Variants in PTPN21 observed in about 807,000 individuals in gnomAD.
PTPN21 encodes tyrosine-protein phosphatase non-receptor type 21.
In PTPN21, 77 loss-of-function variants were observed where a neutral mutation model predicts 131.8. The observed-to-expected ratio is 0.58, with a 90% confidence interval of 0.49 to 0.71. PTPN21 has a LOEUF of 0.71. PTPN21 is among the 30% of genes least tolerant of loss of function. The pLI is 0.00. For missense variants in PTPN21, 1,552 were observed against 1,527.1 expected (o/e 1.02, Z -0.27); for synonymous variants, 715 against 621.3 (o/e 1.15, Z -2.24).
At chr14:88,553,628 C>T (rs886413295) in intron 1 of PTPN21, among the ~76,000 whole-genome samples, 1 of 151,752 alleles carries the variant, frequency 6.6e-6, no homozygotes, top group Non-Finnish European at 1.5e-5. Context: ...TTTTTCTCTA[C>T]AAAATCTTTC....
intron 13 of PTPN21, among the ~76,000 whole-genome samples, chr14:88,477,211 T>C (rs113874578): frequency 0.041 from 6,231 of 152,152 alleles, 169 homozygotes; most frequent in South Asian, 0.1. Flanking sequence ...ATGTGAGTTA[T>C]GTTGCATACT....
chr14:88,509,277 C>G (rs2078143024), intron 3 of PTPN21, among the ~76,000 whole-genome samples: 1 of 152,190 alleles, frequency 6.6e-6, no homozygotes, highest in South Asian at 2.1e-4. Context: ...ATCACAGACA[C>G]TCTGCCAGTG....
chr14:88,484,093 G>A (rs1346710503), intron 12 of PTPN21, among the ~76,000 whole-genome samples: 1 of 150,820 alleles, frequency 6.6e-6, no homozygotes, highest in Non-Finnish European at 1.5e-5. Flanking sequence ...CCAGGCTGGA[G>A]TGCAGTAGCA....
rs1298441814 is a variant in PTPN21, at chr14:88,542,602, AG to A, written c.180+7635del. On this transcript the variant is annotated intron_variant, in intron 2 of 18. Transcript: ENST00000556564. ...ATAATACTCTATTCTTCAAATAAAC[AG>A]GTTTCCAAATTCTGCAATAACTTGT... Among the ~76,000 whole-genome samples the A allele has an allele frequency of 7.2e-5, 11 of 152,278 alleles. No individual in the cohort carries two copies. In the East Asian group the frequency reaches 2.1e-3, roughly 29 times the overall value.
intron 2 of PTPN21, among the ~76,000 whole-genome samples, chr14:88,549,761 G>A (rs1244244986): frequency 6.7e-6 from 1 of 149,876 alleles, no homozygotes; most frequent in Non-Finnish European, 1.5e-5. Flanking sequence ...ACCACGCCCA[G>A]CCAATTTTTT....
At chr14:88,541,916 C>A (rs756219004) in intron 2 of PTPN21, among the ~76,000 whole-genome samples, 5 of 152,150 alleles carry the variant, frequency 3.3e-5, no homozygotes, top group Non-Finnish European at 7.4e-5. Context: ...GGAAAGACTG[C>A]CTTAACCAGG....
intron 2 of PTPN21, among the ~76,000 whole-genome samples, chr14:88,523,812 A>G (rs1226078891): frequency 1.3e-5 from 2 of 152,000 alleles, no homozygotes; most frequent in African/African-American, 2.4e-5. Context: ...CAAGATCAAC[A>G]TGCAAAAATC....
In PTPN21 at chr14:88,468,250, T is replaced by G. The variant is rs1214631735; in HGVS notation, c.3412A>C (p.Arg1138=). 1 of 1,605,778 alleles carries G rather than the reference T, an allele frequency of 6.2e-7. No individual in the cohort carries two copies. Among genetic ancestry groups the G allele is most frequent in the African/African-American group, 1.3e-5 (1 of 74,578 alleles). The part of the protein sequence containing the change: ...LEHNEVLDIP[R]VLDMLRQQRM... ...TGTTGCCTCAGCATGTCCAGCACTC[T>G]CGGGATGTCCAGCACCTAGGTTGAG... The change falls in exon 19 of 19, where the codon AGA becomes CGA. Residue 1138 remains arginine, a synonymous_variant. Transcript: ENST00000556564.
At position 88,472,373 on chromosome 14, in the gene PTPN21, T is replaced by G. The variant is rs1340911371; in HGVS notation, c.2742A>C (p.Ser914=). 3 of 1,613,866 alleles carry G rather than the reference T, an allele frequency of 1.9e-6. No individual in the cohort carries two copies. Among genetic ancestry groups the G allele is most frequent in the Non-Finnish European group, 2.5e-6 (3 of 1,179,716 alleles). ...CTGCATTTTCAGGGAGTCGTGCTGTTGAGCACTCCCCATCAACTAGCCGTT... is the reference window on the plus strand; with the variant it reads ...CTGCATTTTCAGGGAGTCGTGCTGTGGAGCACTCCCCATCAACTAGCCGTT... ...LKKRLVDGEC[S]TARLPENAER... The change falls in exon 15 of 19, where the codon TCA becomes TCC. Residue 914 remains serine (S), a synonymous_variant. Transcript: ENST00000556564.
chr14:88,541,579 A>G (rs979501983), intron 2 of PTPN21, among the ~76,000 whole-genome samples: 1 of 152,162 alleles, frequency 6.6e-6, no homozygotes, highest in Non-Finnish European at 1.5e-5. Context: ...ACAGACATGG[A>G]TCTACCATCA....
At chr14:88,513,162 CT>C (rs936485209) in intron 3 of PTPN21, among the ~76,000 whole-genome samples, 1 of 151,800 alleles carries the variant, frequency 6.6e-6, no homozygotes, top group Non-Finnish European at 1.5e-5. Flanking sequence ...CAGTTGTATT[CT>C]TTTTTTTGTT....
At chr14:88,488,499 C>G (rs1428570788) in intron 10 of PTPN21, among the ~76,000 whole-genome samples, 3 of 152,218 alleles carry the variant, frequency 2.0e-5, no homozygotes, top group African/African-American at 7.2e-5. Context: ...GCAGTTTACT[C>G]TGAGACCAGC....
chr14:88,485,483 T>C (rs912775652), intron 11 of PTPN21, among the ~76,000 whole-genome samples: 8 of 152,252 alleles, frequency 5.3e-5, no homozygotes, highest in African/African-American at 1.9e-4. Flanking sequence ...ATAGGTATTA[T>C]AGTCAATCTT....
chr14:88,469,847 G>A lies in PTPN21; in HGVS notation c.3000+75C>T, dbSNP rs2077431283. 6.2e-7 allele frequency: 1 copy of A among 1,607,840 alleles called. No individual in the cohort carries two copies. The highest frequency in any genetic ancestry group is 8.5e-7 in the Non-Finnish European group (1 of 1,174,600). On this transcript the variant is annotated intron_variant, in intron 16 of 18. Coordinates refer to ENST00000556564, the MANE Select transcript of PTPN21 (RefSeq NM_007039.4). The surrounding 1 kb of genome is among the most constrained non-coding windows in gnomAD (Gnocchi z 4.3). ...CCCTACCCTGCCTTTTTCTCCACAG[G>A]TCAGGATTCCAGATGATTAACATTA... is the stretch of plus-strand genomic sequence containing the variant.
chr14:88,554,431 A>G (rs2078899385), intron 1 of PTPN21, among the ~76,000 whole-genome samples: 1 of 152,214 alleles, frequency 6.6e-6, no homozygotes, highest in Non-Finnish European at 1.5e-5. Context: ...TTCGGAATAG[A>G]AGTTCAAGAC....
intron 2 of PTPN21, among the ~76,000 whole-genome samples, chr14:88,517,717 T>TATGTGTATATATACTATATATACAC (rs2078299308): frequency 7.2e-6 from 1 of 137,978 alleles, no homozygotes; most frequent in African/African-American, 2.8e-5. Context: ...TATATGTGTG[T>TATGTGTATATATACTATATATACAC]ATGTGTATAT....
chr14:88,513,325 C>T (rs983830136), intron 3 of PTPN21, among the ~76,000 whole-genome samples: 7 of 152,082 alleles, frequency 4.6e-5, no homozygotes, highest in African/African-American at 1.4e-4. Context: ...CCACCACACT[C>T]GGCTCATTTT....
rs750737573 is a variant in PTPN21 at position 88,479,684 on chromosome 14, G to C, written c.1747C>G (p.Arg583Gly). ...RPANSTPDLS[R>G]HLYISSSNPD... The stretch of plus-strand genomic sequence containing the variant: ...TTGCTGCTGCTGATGTAAAGGTGGC[G>C]GGACAGGTCTGGCGTGCTGTTGGCG... Residue 583 changes from arginine (R) to glycine (G), a missense_variant, in exon 13 of 19, where the codon CGC (arginine) becomes GGC (glycine). Transcript: ENST00000556564. 3.3e-6 allele frequency: 5 copies of C among 1,522,124 alleles called. No individual in the cohort carries two copies. The highest frequency in any genetic ancestry group is 4.4e-6 in the Non-Finnish European group (5 of 1,141,906). 94.3% of individuals were successfully genotyped at this position (1,522,124 alleles called of 1,614,324 possible). A position where few individuals can be genotyped will look rare whatever the true frequency, so the allele number is the denominator to read the frequency against.
intron 11 of PTPN21, among the ~76,000 whole-genome samples, chr14:88,485,551 G>A (rs2077719207): frequency 6.6e-6 from 1 of 151,824 alleles, no homozygotes. Context: ...TTGGCCAATA[G>A]TCTAAGTTCT....
Sources: gnomAD v4.1 joint callset for allele counts (sites outside exome capture counted in the v4.1 genomes callset) on GRCh38, gnomAD v4.1.1 for gene constraint, Gnocchi (gnomAD v3.1) non-coding constraint, MANE v1.5 for transcripts, NCBI Gene and HGNC (gene_info 2026-07-23, HGNC 2026-07-21) for gene names.